CAB39: variants seen among roughly 807,000 people sequenced by gnomAD.
The protein encoded by CAB39 is calcium-binding protein 39.
CAB39 carries 8 observed loss-of-function variants against 40.0 expected under a neutral mutation model. The ratio of observed to expected loss-of-function variants is 0.20; its 90% CI spans 0.12 to 0.36. The LOEUF is 0.36. Among genes scored for constraint, CAB39 ranks in the 10% least tolerant of loss-of-function variants. The pLI is 1.00. For synonymous variants in CAB39, 156 were observed against 141.6 expected, an observed-to-expected ratio of 1.10 and a Z score of -0.72; for missense variants, 270 against 401.1, an observed-to-expected ratio of 0.67 and a Z score of 2.79.
In CAB39 at chr2:230,798,819, G is replaced by A. The variant is rs146907544; in HGVS notation, c.489G>A (p.Ser163=). 738 of 1,610,144 alleles carry A rather than the reference G, an allele frequency of 4.6e-4. 2 individuals are homozygous for A. In the East Asian group the frequency reaches 6.2e-3, roughly 14 times the overall value. ...HEPLAKIILW[S]EQFYDFFRYV... is the part of the protein sequence containing the mutation. ...CACTTGCAAAAATCATTTTGTGGTC[G>A]GAACAGTTTTATGATTTCTTCAGAT... Residue 163 remains serine (S), a synonymous_variant, in exon 5 of 9, where the codon TCG becomes TCA. Transcript: ENST00000258418.
chr2:230,737,852 T>G (rs904495210), intron 1 of CAB39, among the ~76,000 whole-genome samples: 1 of 152,216 alleles, frequency 6.6e-6, no homozygotes, highest in Non-Finnish European at 1.5e-5. Flanking sequence ...TTGACTATAT[T>G]ATGATGTCAA....
At chr2:230,803,036 A>G (rs1467067211) in intron 5 of CAB39, among the ~76,000 whole-genome samples, 1 of 152,222 alleles carries the variant, frequency 6.6e-6, no homozygotes, top group African/African-American at 2.4e-5. Flanking sequence ...ATCCAGCAGC[A>G]CATCAAAAAG....
At position 230,818,731 on chromosome 2, in the gene CAB39, C is replaced by T. The variant is rs1016582778; in HGVS notation, c.*27C>T. 1.4e-5 allele frequency: 22 copies of T among 1,570,668 alleles called. No homozygotes were observed. The highest frequency in any genetic ancestry group is 1.9e-5 in the Non-Finnish European group (22 of 1,144,288). On this transcript the variant is annotated 3_prime_UTR_variant, in exon 9 of 9. Transcript: ENST00000258418. ...CTCCAATAAACATCTATGTTAAATC[C>T]AAATTCAGCATTTGCTGTTAGCTAT... is the stretch of plus-strand genomic sequence containing the variant.
chr2:230,791,084 T>A, intron 3 of CAB39, 48 bp downstream of exon 3: 1 of 1,321,092 alleles, frequency 7.6e-7, no homozygotes, highest in Non-Finnish European at 1.0e-6. Flanking sequence ...CTGTGCATAA[T>A]TCTTTTCCAT....
At chr2:230,805,205 AC>A (rs1696169333) in intron 5 of CAB39, among the ~76,000 whole-genome samples, 1 of 132,414 alleles carries the variant, frequency 7.6e-6, no homozygotes, top group Non-Finnish European at 1.6e-5. Context: ...AATGATGAGA[AC>A]CCTTGGACAC....
intron 2 of CAB39, among the ~76,000 whole-genome samples, chr2:230,766,145 T>TTG (rs1695381967): frequency 6.6e-6 from 1 of 152,116 alleles, no homozygotes; most frequent in African/African-American, 2.4e-5. Flanking sequence ...CCATTACTAA[T>TTG]TGAAAACAGT....
intron 2 of CAB39, among the ~76,000 whole-genome samples, chr2:230,772,926 A>G (rs1305763434): frequency 6.6e-6 from 1 of 150,878 alleles, no homozygotes; most frequent in African/African-American, 2.4e-5. Flanking sequence ...TAAATGGCCC[A>G]GACGTGTGGA....
At chr2:230,715,237 A>G (rs1231863173) in intron 1 of CAB39, among the ~76,000 whole-genome samples, 1 of 152,216 alleles carries the variant, frequency 6.6e-6, no homozygotes, top group African/African-American at 2.4e-5. Flanking sequence ...TTTCCTGACA[A>G]GGTTGTATTA....
At chr2:230,812,449 A>T (rs1307003793) in intron 6 of CAB39, among the ~76,000 whole-genome samples, 1 of 152,248 alleles carries the variant, frequency 6.6e-6, no homozygotes, top group East Asian at 1.9e-4. Flanking sequence ...AACAGGGGCC[A>T]CATACATACT....
At chr2:230,718,689 A>G (rs1694395321) in intron 1 of CAB39, among the ~76,000 whole-genome samples, 1 of 152,158 alleles carries the variant, frequency 6.6e-6, no homozygotes, top group Non-Finnish European at 1.5e-5. Flanking sequence ...AAGTTTTGTG[A>G]TGCTCATGAT....
chr2:230,764,153 A>G, intron 2 of CAB39, among the ~76,000 whole-genome samples: 1 of 152,038 alleles, frequency 6.6e-6, no homozygotes, highest in Admixed American at 6.6e-5. Flanking sequence ...AAGAAAGTAC[A>G]AATGGTCCCT....
chr2:230,784,359 C>G (rs1695751257), intron 2 of CAB39, among the ~76,000 whole-genome samples: 1 of 151,994 alleles, frequency 6.6e-6, no homozygotes, highest in Admixed American at 6.6e-5. Context: ...AGAAGGCTGC[C>G]CAGTGGTACT....
chr2:230,714,453 C>T (rs770729598), intron 1 of CAB39, among the ~76,000 whole-genome samples: 1 of 152,180 alleles, frequency 6.6e-6, no homozygotes, highest in Non-Finnish European at 1.5e-5. Flanking sequence ...ATATCAGGCT[C>T]TTAAGAGGTA....
chr2:230,761,361 T>C (rs1383038871), intron 2 of CAB39, among the ~76,000 whole-genome samples: 4 of 152,170 alleles, frequency 2.6e-5, no homozygotes, highest in Admixed American at 6.5e-5. Context: ...CTTACACTTA[T>C]TCACATGTAA....
At chr2:230,773,870 CT>C (rs999102193) in intron 2 of CAB39, among the ~76,000 whole-genome samples, 1 of 152,162 alleles carries the variant, frequency 6.6e-6, no homozygotes, top group African/African-American at 2.4e-5. Context: ...TGGAAGCTGA[CT>C]TTTTCAGAAG....
At chr2:230,786,264 C>G (rs1344793143) in intron 2 of CAB39, among the ~76,000 whole-genome samples, 6 of 150,460 alleles carry the variant, frequency 4.0e-5, no homozygotes, top group African/African-American at 1.5e-4. Context: ...TGCAGCCTCC[C>G]AGAGTGCTAG....
intron 1 of CAB39, among the ~76,000 whole-genome samples, chr2:230,744,160 C>G (rs992455525): frequency 1.3e-5 from 2 of 152,150 alleles, no homozygotes; most frequent in African/African-American, 4.8e-5. Context: ...CTCAAGTGAT[C>G]CACCTGCCTT....
At chr2:230,804,093 C>T (rs1276454812) in intron 5 of CAB39, among the ~76,000 whole-genome samples, 1 of 152,102 alleles carries the variant, frequency 6.6e-6, no homozygotes, top group Admixed American at 6.6e-5. Context: ...GAAATAACAC[C>T]GCACACCTAC....
chr2:230,748,831 AATATATATATATATAT>A (rs71052546), intron 1 of CAB39, among the ~76,000 whole-genome samples: 811 of 28,550 alleles, frequency 0.028, 46 homozygotes, highest in Admixed American at 0.051. Context: ...AAAAAAAAAA[AATATATATATATATAT>A]ATATATATAT....
Sources: allele counts gnomAD v4.1 joint callset (sites outside exome capture counted in the v4.1 genomes callset), GRCh38; gene constraint gnomAD v4.1.1; transcripts MANE v1.5; gene names NCBI Gene and HGNC (gene_info 2026-07-23, HGNC 2026-07-21).